Variants in RTN4RL1 observed in about 807,000 individuals in gnomAD.
RTN4RL1 encodes reticulon 4 receptor like 1, also known as reticulon-4 receptor-like 1.
Under a neutral mutation model 25.6 loss-of-function variants are expected in RTN4RL1, and 7 were observed. That is an observed-to-expected ratio of 0.27 (90% CI 0.16 to 0.51). RTN4RL1 has a LOEUF of 0.51. Among genes scored for constraint, RTN4RL1 ranks in the 20% least tolerant of loss-of-function variants. The pLI is 0.97. For missense variants in RTN4RL1, 500 were observed against 615.6 expected (o/e 0.81, Z 1.99); for synonymous variants, 297 against 288.2 (o/e 1.03, Z -0.31).
intron 1 of RTN4RL1, among the ~76,000 whole-genome samples, chr17:1,999,260 A>G (rs1184158167): frequency 6.6e-6 from 1 of 151,850 alleles, no homozygotes; most frequent in African/African-American, 2.4e-5. Context: ...ATCCTGGCCA[A>G]CATGGTGAAA....
In RTN4RL1 at chr17:1,943,933, A is replaced by ATT. The variant is rs5818843; in HGVS notation, c.14-6127_14-6126dup. ...CCAGAGAGACCTGAGTTTGAATCCT[A>ATT]TTTTTTTTTTAAGACACGGTCTTGC... is the stretch of plus-strand genomic sequence containing the variant. On this transcript the variant is annotated intron_variant, in intron 1 of 1. Transcript: ENST00000331238. Among the ~76,000 whole-genome samples the ATT allele has an allele frequency of 5.3e-5, 8 of 149,596 alleles. No individual in the cohort carries two copies. The South Asian group carries it at 8.4e-4, about 16-fold the overall frequency.
At chr17:1,950,029 G>C in intron 1 of RTN4RL1, among the ~76,000 whole-genome samples, 1 of 152,334 alleles carries the variant, frequency 6.6e-6, no homozygotes, top group South Asian at 2.1e-4. Flanking sequence ...GCCAGGCCTC[G>C]TATGGCCTGA....
chr17:1,969,710 T>C (rs1169410415), intron 1 of RTN4RL1, among the ~76,000 whole-genome samples: 1 of 152,224 alleles, frequency 6.6e-6, no homozygotes, highest in African/African-American at 2.4e-5. Flanking sequence ...AAGTAGCCTT[T>C]ACCGGTTCTC....
chr17:1,986,743 G>A (rs1454584000), intron 1 of RTN4RL1, among the ~76,000 whole-genome samples: 1 of 111,214 alleles, frequency 9.0e-6, no homozygotes, highest in Non-Finnish European at 1.7e-5. Context: ...TGTTGTAATA[G>A]CCATTAAAAA....
At chr17:2,015,127 T>A (rs1367913283) in intron 1 of RTN4RL1, among the ~76,000 whole-genome samples, 1 of 151,356 alleles carries the variant, frequency 6.6e-6, no homozygotes, top group Non-Finnish European at 1.5e-5. Flanking sequence ...TGGGCTCAGG[T>A]GGAGGCACAG....
chr17:1,959,079 G>A lies in RTN4RL1; in HGVS notation c.14-21271C>T, dbSNP rs142648821. ...ATCCTGGGCTCCGCTGGGCTCCCCC[G>A]GCCTCCACCTGACAATGGCTCCTTT... is the stretch of plus-strand genomic sequence containing the variant. On this transcript the variant is annotated intron_variant, in intron 1 of 1. Transcript: ENST00000331238. Among the ~76,000 whole-genome samples the A allele has an allele frequency of 5.7e-3, 868 of 152,326 alleles. 9 individuals are homozygous for A. The highest frequency in any genetic ancestry group is 0.02 in the African/African-American group (817 of 41,560).
In RTN4RL1 at chr17:1,946,504, T is replaced by C. The variant is rs58849788; in HGVS notation, c.14-8696A>G. ...TGTGTGTCTGTGGGTGCACGGGGTC[T>C]GCGTGGATCTATGTGTGATTGTGTG... On this transcript the variant is annotated intron_variant, in intron 1 of 1. Transcript: ENST00000331238. Among the ~76,000 whole-genome samples the C allele has an allele frequency of 3.0e-3, 457 of 152,158 alleles. 4 individuals are homozygous for C. Among genetic ancestry groups the C allele is most frequent in the African/African-American group, 0.011 (437 of 41,518 alleles).
intron 1 of RTN4RL1, among the ~76,000 whole-genome samples, chr17:2,012,012 A>C (rs1188844953): frequency 6.6e-6 from 1 of 152,084 alleles, no homozygotes; most frequent in African/African-American, 2.4e-5. Flanking sequence ...GTAACGAGTC[A>C]ATTTCACAGA....
chr17:1,936,980 G>A lies in RTN4RL1; in HGVS notation c.842C>T (p.Pro281Leu). 1 of 1,606,446 alleles carries A rather than the reference G, an allele frequency of 6.2e-7. No homozygotes were observed. The highest frequency in any genetic ancestry group is 8.5e-7 in the Non-Finnish European group (1 of 1,178,564). ...GTGCCGCAGCCCAGGGGACACACAG[G>A]GGACAGCGGAGCTGGAGCCCCGGAA... is the stretch of plus-strand genomic sequence containing the variant. Reference protein sequence around the residue: ...QRFRGSSSAVPCVSPGLRHGQ... With the variant: ...QRFRGSSSAVLCVSPGLRHGQ... The change falls in exon 2 of 2, where the codon CCC (proline) becomes CTC (leucine). Residue 281 changes from proline (P) to leucine (L), a missense_variant. This residue lies in a region of RTN4RL1 where 268 missense variants were observed against 274.5 expected (regional missense o/e 0.98). Coordinates refer to ENST00000331238, the MANE Select transcript of RTN4RL1 (RefSeq NM_178568.4).
intron 1 of RTN4RL1, among the ~76,000 whole-genome samples, chr17:2,001,935 G>C (rs112805839): frequency 0.016 from 2,459 of 152,036 alleles, 81 homozygotes; most frequent in African/African-American, 0.056. Context: ...CCTGGGGGAG[G>C]GGAGGGGAGG....
chr17:1,996,181 G>A (rs928019788), intron 1 of RTN4RL1, among the ~76,000 whole-genome samples: 2 of 152,128 alleles, frequency 1.3e-5, no homozygotes, highest in African/African-American at 4.8e-5. Flanking sequence ...TTCCTTACTC[G>A]GCTTTCTCCC....
intron 1 of RTN4RL1, among the ~76,000 whole-genome samples, chr17:1,969,226 T>C (rs574950755): frequency 6.6e-6 from 1 of 151,984 alleles, no homozygotes; most frequent in Non-Finnish European, 1.5e-5. Context: ...ATCCAGCTAA[T>C]TTTTTTATTT....
intron 1 of RTN4RL1, among the ~76,000 whole-genome samples, chr17:1,956,408 T>G: frequency 7.4e-6 from 1 of 134,402 alleles, no homozygotes; most frequent in African/African-American, 2.9e-5. Flanking sequence ...TCTTGGAGAG[T>G]CTGAAGGCTG....
At chr17:2,013,625 C>G (rs186145961) in intron 1 of RTN4RL1, among the ~76,000 whole-genome samples, 76 of 138,316 alleles carry the variant, frequency 5.5e-4, no homozygotes, top group African/African-American at 2.0e-3. Context: ...CCCCAGCTCC[C>G]TCACCCTGGA....
rs565955038 is a variant in RTN4RL1, at chr17:1,988,146, T to C, written c.13+36707A>G. Among the ~76,000 whole-genome samples the C allele has an allele frequency of 6.9e-4, 102 of 148,142 alleles. 1 individual carries two copies. The highest frequency in any genetic ancestry group is 1.3e-3 in the Non-Finnish European group (84 of 66,924). On this transcript the variant is annotated intron_variant, in intron 1 of 1. Transcript: ENST00000331238. ...AAAAGGAAAAGAAGGAGGCCGGGCA[T>C]GGTGGCTCACGCCTGTAATCCCAGC... is the stretch of plus-strand genomic sequence containing the variant.
At chr17:1,979,272 C>A (rs2066856657) in intron 1 of RTN4RL1, among the ~76,000 whole-genome samples, 1 of 146,450 alleles carries the variant, frequency 6.8e-6, no homozygotes, top group Non-Finnish European at 1.5e-5. Context: ...GACTTTGCTT[C>A]AAAAAAACCA....
chr17:1,989,374 T>G (rs2066900189), intron 1 of RTN4RL1, among the ~76,000 whole-genome samples: 1 of 151,884 alleles, frequency 6.6e-6, no homozygotes, highest in Non-Finnish European at 1.5e-5. Context: ...CATCAAACTT[T>G]CTGACTCACT....
chr17:1,988,693 T>G (rs2066897601), intron 1 of RTN4RL1, among the ~76,000 whole-genome samples: 1 of 152,120 alleles, frequency 6.6e-6, no homozygotes, highest in Admixed American at 6.6e-5. Flanking sequence ...TGCTGGATGC[T>G]GTAGGCACTT....
intron 1 of RTN4RL1, among the ~76,000 whole-genome samples, chr17:1,946,841 C>A (rs1389573929): frequency 7.3e-6 from 1 of 137,516 alleles, no homozygotes; most frequent in Non-Finnish European, 1.5e-5. Flanking sequence ...CTGTGTGCAT[C>A]TATGTTGAAT....
Sources: gnomAD v4.1 joint callset for allele counts (sites outside exome capture counted in the v4.1 genomes callset) on GRCh38, gnomAD v4.1.1 for gene constraint, gnomAD v4.1.1 regional missense constraint, MANE v1.5 for transcripts, NCBI Gene and HGNC (gene_info 2026-07-23, HGNC 2026-07-21) for gene names.